Variants in MITF observed in about 807,000 individuals in gnomAD.
MITF encodes the protein melanocyte inducing transcription factor.
A neutral mutation model predicts 60.5 loss-of-function variants in MITF; 17 were observed. That is an observed-to-expected ratio of 0.28 (90% confidence interval 0.19 to 0.42). MITF has a LOEUF of 0.42. MITF is among the 10% of genes least tolerant of loss of function. MITF has a pLI of 1.00. For missense variants in MITF, 622 were observed against 683.5 expected, an observed-to-expected ratio of 0.91 and a Z score of 1.00; for synonymous variants, 260 against 248.5, an observed-to-expected ratio of 1.05 and a Z score of -0.43.
rs903731713 is a variant in MITF, at chr3:69,951,063, G to A, written c.881-749G>A. Reference sequence around the variant, plus strand: ...GTTCATTCTATGAAGTAGTGAACTAGTTAGAAGAGACAGAGATCCAATTTG... The same window carrying A: ...GTTCATTCTATGAAGTAGTGAACTAATTAGAAGAGACAGAGATCCAATTTG... On this transcript the variant is annotated intron_variant, in intron 6 of 9. Coordinates refer to ENST00000352241, the MANE Select transcript of MITF (RefSeq NM_001354604.2). Among the ~76,000 whole-genome samples, 3 of 143,226 alleles carry A rather than the reference G, an allele frequency of 2.1e-5. No homozygotes were observed. The South Asian group carries it at 7.2e-4, about 35-fold the overall frequency. 94.0% of individuals were successfully genotyped at this position (143,226 alleles called of 152,430 possible). A position where few individuals can be genotyped will look rare whatever the true frequency, so the allele number is the denominator to read the frequency against.
chr3:69,900,125 T>C lies in MITF; in HGVS notation c.354+20742T>C, dbSNP rs573712931. Among the ~76,000 whole-genome samples the C allele has an allele frequency of 9.2e-5, 14 of 152,194 alleles. No individual in the cohort carries two copies. The East Asian group carries it at 1.7e-3, about 19-fold the overall frequency. On this transcript the variant is annotated intron_variant, in intron 2 of 9. Coordinates refer to ENST00000352241, the MANE Select transcript of MITF (RefSeq NM_001354604.2). ...CCGAGTGGGAGGGGTGGGGAAATAA[T>C]AGATTTTCAGGGAAGGTAATGGTGG...
chr3:69,940,412 G>A (rs187531173), intron 4 of MITF, among the ~76,000 whole-genome samples: 1 of 152,200 alleles, frequency 6.6e-6, no homozygotes, highest in Non-Finnish European at 1.5e-5. Context: ...GTTTTCACAG[G>A]CTTGTCTTTG....
At chr3:69,871,527 C>T (rs1284904922) in intron 1 of MITF, among the ~76,000 whole-genome samples, 1 of 152,228 alleles carries the variant, frequency 6.6e-6, no homozygotes, top group Admixed American at 6.5e-5. Context: ...TAAATCATTA[C>T]TGCTATGTGT....
chr3:69,748,016 C>A (rs1157994120), intron 1 of MITF, among the ~76,000 whole-genome samples: 1 of 152,138 alleles, frequency 6.6e-6, no homozygotes, highest in Non-Finnish European at 1.5e-5. Context: ...GTGTTTCTGT[C>A]CTGAGATCAT....
intron 1 of MITF, among the ~76,000 whole-genome samples, chr3:69,830,226 G>A (rs1251251589): frequency 6.6e-6 from 1 of 152,118 alleles, no homozygotes; most frequent in African/African-American, 2.4e-5. Context: ...GGCCACAAGA[G>A]CCTTCTGCAG....
At chr3:69,854,463 C>A (rs1259010809) in intron 1 of MITF, among the ~76,000 whole-genome samples, 1 of 152,148 alleles carries the variant, frequency 6.6e-6, no homozygotes, top group Non-Finnish European at 1.5e-5. Context: ...CCTGGTACAA[C>A]ATAAATGCCA....
chr3:69,930,130 T>A (rs1293028824), intron 2 of MITF, among the ~76,000 whole-genome samples: 1 of 151,756 alleles, frequency 6.6e-6, no homozygotes, highest in East Asian at 1.9e-4. Flanking sequence ...AGCTTGAGAG[T>A]CTGCAGTCCT....
In MITF at chr3:69,930,146, C is replaced by T. The variant is rs139726644; in HGVS notation, c.355-7676C>T. Among the ~76,000 whole-genome samples the T allele has an allele frequency of 3.9e-3, 596 of 152,198 alleles. 13 individuals are homozygous for T. The highest frequency in any genetic ancestry group is 0.027 in the Admixed American group (406 of 15,284). ...GCTTGAGAGTCTGCAGTCCTCCAAACGGTGCCGTCTCGTAGGCCAGTGGAG... is the reference window on the plus strand; with the variant it reads ...GCTTGAGAGTCTGCAGTCCTCCAAATGGTGCCGTCTCGTAGGCCAGTGGAG... On this transcript the variant is annotated intron_variant, in intron 2 of 9. Transcript: ENST00000352241.
chr3:69,834,054 C>T (rs1276375516), intron 1 of MITF, among the ~76,000 whole-genome samples: 2 of 147,964 alleles, frequency 1.4e-5, no homozygotes, highest in African/African-American at 4.9e-5. Context: ...TATAATTGTA[C>T]ATATTTATGG....
intron 1 of MITF, among the ~76,000 whole-genome samples, chr3:69,850,305 G>T (rs973904813): frequency 6.6e-6 from 1 of 152,134 alleles, no homozygotes; most frequent in Non-Finnish European, 1.5e-5. Context: ...CTGTGCCTTG[G>T]GTTGAATTCC....
intron 1 of MITF, among the ~76,000 whole-genome samples, chr3:69,857,130 A>T (rs575428366): frequency 6.6e-6 from 1 of 152,208 alleles, no homozygotes; most frequent in South Asian, 2.1e-4. Flanking sequence ...TCATGCCTTT[A>T]TGGAATTCAG....
intron 1 of MITF, among the ~76,000 whole-genome samples, chr3:69,768,987 G>GT (rs1575685814): frequency 6.6e-6 from 1 of 152,202 alleles, no homozygotes. Flanking sequence ...AAACTCTGGA[G>GT]TAGGACTGTT....
intron 1 of MITF, among the ~76,000 whole-genome samples, chr3:69,749,188 A>G (rs1703838560): frequency 2.0e-5 from 3 of 152,176 alleles, no homozygotes; most frequent in African/African-American, 7.2e-5. Flanking sequence ...GCCACACTGT[A>G]CCTCTTGCCT....
intron 1 of MITF, among the ~76,000 whole-genome samples, chr3:69,867,499 T>C (rs1305612981): frequency 6.6e-6 from 1 of 152,162 alleles, no homozygotes; most frequent in East Asian, 1.9e-4. Flanking sequence ...ATTTTTTTCA[T>C]TCTTTATGTC....
chr3:69,910,707 G>A (rs541424728), intron 2 of MITF, among the ~76,000 whole-genome samples: 1 of 152,158 alleles, frequency 6.6e-6, no homozygotes, highest in African/African-American at 2.4e-5. Flanking sequence ...ACACTTGCAT[G>A]GGCCCTGTAA....
At chr3:69,918,554 A>G (rs2065390254) in intron 2 of MITF, among the ~76,000 whole-genome samples, 1 of 152,132 alleles carries the variant, frequency 6.6e-6, no homozygotes, top group African/African-American at 2.4e-5. Context: ...TGAAGCCACG[A>G]TGCATCCTGC....
chr3:69,779,594 G>A (rs2062530083), intron 1 of MITF, among the ~76,000 whole-genome samples: 1 of 152,142 alleles, frequency 6.6e-6, no homozygotes, highest in African/African-American at 2.4e-5. Flanking sequence ...TTCTGGCTGA[G>A]CGAGCTTGAA....
At chr3:69,935,277 G>T (rs1298557266) in intron 2 of MITF, among the ~76,000 whole-genome samples, 2 of 152,130 alleles carry the variant, frequency 1.3e-5, no homozygotes, top group Non-Finnish European at 2.9e-5. Flanking sequence ...ACCCAAACCT[G>T]GATGTAATAA....
chr3:69,888,191 A>G (rs575117781), intron 2 of MITF, among the ~76,000 whole-genome samples: 1 of 152,124 alleles, frequency 6.6e-6, no homozygotes, highest in Admixed American at 6.6e-5. Flanking sequence ...GGGGCTGGAA[A>G]TTTTGTTGAG....
Sources: allele counts gnomAD v4.1 joint callset (sites outside exome capture counted in the v4.1 genomes callset), GRCh38; gene constraint gnomAD v4.1.1; transcripts MANE v1.5; gene names NCBI Gene and HGNC (gene_info 2026-07-23, HGNC 2026-07-21).